COL17A1: variants seen among roughly 807,000 people sequenced by gnomAD.
The protein encoded by COL17A1 is collagen type XVII alpha 1 chain.
A neutral mutation model predicts 218.4 loss-of-function variants in COL17A1; 181 were observed. The observed-to-expected ratio is 0.83, with a 90% CI of 0.73 to 0.94. The LOEUF is 0.94. Among genes scored for constraint, COL17A1 ranks in the 40% least tolerant of loss-of-function variants. COL17A1 has a pLI of 0.00. For missense variants in COL17A1, 1,924 were observed against 1,945.9 expected (o/e 0.99, Z 0.21); for synonymous variants, 721 against 731.0 (o/e 0.99, Z 0.22).
intron 13 of COL17A1, 146 bp downstream of exon 13, chr10:104,061,259 T>C (rs1354921355): frequency 1.4e-5 from 10 of 711,642 alleles, no homozygotes; most frequent in Non-Finnish European, 2.1e-5. Context: ...TGGGGCAAGT[T>C]GCGTTTGCAG....
chr10:104,048,793 G>A (rs1392057382), intron 29 of COL17A1, among the ~76,000 whole-genome samples: 1 of 152,036 alleles, frequency 6.6e-6, no homozygotes, highest in African/African-American at 2.4e-5. Context: ...CACAGGTAAG[G>A]CTTAAACCCT....
chr10:104,067,278 G>A (rs747688365), intron 9 of COL17A1, among the ~76,000 whole-genome samples: 2 of 143,744 alleles, frequency 1.4e-5, no homozygotes, highest in Non-Finnish European at 3.0e-5. Flanking sequence ...AAAAGCATTC[G>A]AGCTTCAACA....
intron 36 of COL17A1, among the ~76,000 whole-genome samples, chr10:104,041,957 T>A (rs965868033): frequency 1.3e-5 from 2 of 152,166 alleles, no homozygotes; most frequent in Admixed American, 6.5e-5. Flanking sequence ...GGTGAAACAC[T>A]GAAGACCAAG....
chr10:104,073,062 A>G, intron 7 of COL17A1, 148 bp downstream of exon 7: 4 of 766,262 alleles, frequency 5.2e-6, no homozygotes, highest in Non-Finnish European at 9.3e-6. Context: ...GAAGATTCCC[A>G]GGATACTCTA....
At chr10:104,032,861 G>T in intron 54 of COL17A1, 45 bp downstream of exon 54, 1 of 1,612,452 alleles carries the variant, frequency 6.2e-7, no homozygotes, top group Non-Finnish European at 8.5e-7. Flanking sequence ...GTACGAGGTG[G>T]GTGTTAACAC....
At chr10:104,070,619 A>T (rs761368493) in intron 8 of COL17A1, 50 bp from the exon 9 acceptor site, 1 of 1,613,824 alleles carries the variant, frequency 6.2e-7, no homozygotes, top group Non-Finnish European at 8.5e-7. Context: ...TTCTTTCCTG[A>T]GTCCCTGTGC....
intron 41 of COL17A1, among the ~76,000 whole-genome samples, 160 bp from the exon 42 acceptor site, chr10:104,039,800 A>G (rs899730362): frequency 3.4e-5 from 5 of 148,956 alleles, no homozygotes; most frequent in Non-Finnish European, 5.9e-5. Context: ...ACACACGCAC[A>G]CGCACACTTG....
At position 104,048,086 on chromosome 10, in the gene COL17A1, C is replaced by T. The variant is rs866260753; in HGVS notation, c.2246G>A (p.Gly749Glu). Residue 749 changes from glycine to glutamate, a missense_variant, in exon 30 of 56, where the codon GGA becomes GAA. Transcript: ENST00000648076. Reference sequence around the variant, plus strand: ...TGACCAACCTCTTGGGCCTTGGTGTCCGTCTGGGCCAGCAGGACCTGGTAA... The same window carrying T: ...TGACCAACCTCTTGGGCCTTGGTGTTCGTCTGGGCCAGCAGGACCTGGTAA... ...KGAMGPAGPD[G>E]HQGPRGEQGL... 1 of 1,614,156 alleles carries T rather than the reference C, an allele frequency of 6.2e-7. No homozygotes were observed. Among genetic ancestry groups the T allele is most frequent in the Non-Finnish European group, 8.5e-7 (1 of 1,180,038 alleles).
chr10:104,076,187 G>A, intron 5 of COL17A1, 114 bp downstream of exon 5: 1 of 1,519,206 alleles, frequency 6.6e-7, no homozygotes, highest in Non-Finnish European at 9.1e-7. Context: ...TGAAGGAGGA[G>A]TGGGGAGAAA....
At chr10:104,032,842 T>G (rs1237225168) in intron 54 of COL17A1, 64 bp downstream of exon 54, 1 of 1,611,432 alleles carries the variant, frequency 6.2e-7, no homozygotes, top group Non-Finnish European at 8.5e-7. Flanking sequence ...GCACAGGAGC[T>G]GCTTTTCAGT....
rs1022253778 is a variant in COL17A1 at position 104,031,743 on chromosome 10, T to C, written c.*492A>G. ...AAGAGTCACTTCTTAGCCAACTGACTAGAGAATGCAGAATGAACAGGGGAG... is the reference window on the plus strand; with the variant it reads ...AAGAGTCACTTCTTAGCCAACTGACCAGAGAATGCAGAATGAACAGGGGAG... On this transcript the variant is annotated 3_prime_UTR_variant, in exon 56 of 56. Transcript: ENST00000648076. 8.4e-5 allele frequency: 14 copies of C among 166,252 alleles called. No homozygotes were observed. Among genetic ancestry groups the C allele is most frequent in the Non-Finnish European group, 1.7e-4 (13 of 75,508 alleles). 10.3% of individuals were successfully genotyped at this position (166,252 alleles called of 1,614,324 possible).
Position 104,060,137 on chromosome 10 carries a change from G to T in COL17A1, c.1123C>A (p.Pro375Thr). ...KDSGKVFTASPASIAATSFSE... is the reference protein window; with the variant it reads ...KDSGKVFTASTASIAATSFSE... ...GACGCACTTGCAGCGATGCTGGCAG[G>T]GGAGGCTGTAAAGACCTTCCCGCTG... Residue 375 changes from proline to threonine, a missense_variant, in exon 14 of 56, where the codon CCT becomes ACT. Physicochemically the swap from Pro to Thr is conservative, Grantham distance 38. Coordinates refer to ENST00000648076, the MANE Select transcript of COL17A1 (RefSeq NM_000494.4). 6.2e-7 allele frequency: 1 copy of T among 1,614,148 alleles called. No individual in the cohort carries two copies. The highest frequency in any genetic ancestry group is 8.5e-7 in the Non-Finnish European group (1 of 1,180,026).
At chr10:104,039,002 A>C in intron 44 of COL17A1, 69 bp downstream of exon 44, 1 of 1,470,086 alleles carries the variant, frequency 6.8e-7, no homozygotes, top group African/African-American at 1.4e-5. Flanking sequence ...ATAGAGCAAC[A>C]TCCTCACTGG....
chr10:104,062,228 G>A, intron 12 of COL17A1, 30 bp downstream of exon 12: 1 of 1,614,210 alleles, frequency 6.2e-7, no homozygotes. Flanking sequence ...TCACTTTCCA[G>A]CGCCTAAGCT....
Position 104,050,680 on chromosome 10 carries a change from G to A in COL17A1, c.2093-24C>T, listed in dbSNP as rs2086460548. The A allele has an allele frequency of 6.2e-6, 10 of 1,614,098 alleles. No individual in the cohort carries two copies. In the East Asian group the frequency reaches 1.6e-4, roughly 25 times the overall value. Reference sequence around the variant, plus strand: ...ACCTAAAAAGGAAATGGACACCTTGGTGTAAAATGCCCTACAAGGGACAAC... The same window carrying A: ...ACCTAAAAAGGAAATGGACACCTTGATGTAAAATGCCCTACAAGGGACAAC... On this transcript the variant is annotated intron_variant, in intron 26 of 55. Transcript: ENST00000648076.
chr10:104,077,564 A>T, intron 3 of COL17A1, 38 bp from the exon 4 acceptor site: 1 of 1,547,200 alleles, frequency 6.5e-7, no homozygotes, highest in Admixed American at 1.8e-5. Flanking sequence ...TTCAGGGTGG[A>T]GTCAGGCCAG....
intron 35 of COL17A1, among the ~76,000 whole-genome samples, 164 bp from the exon 36 acceptor site, chr10:104,042,619 G>A (rs2086371377): frequency 6.6e-6 from 1 of 152,210 alleles, no homozygotes; most frequent in Admixed American, 6.5e-5. Context: ...GTCCAGTTGC[G>A]TGAGAACATC....
intron 20 of COL17A1, among the ~76,000 whole-genome samples, chr10:104,054,578 G>A (rs535030834): frequency 6.6e-6 from 1 of 152,272 alleles, no homozygotes; most frequent in Admixed American, 6.5e-5. Flanking sequence ...CCCTGGGGTT[G>A]CCTAGGGAGT....
At chr10:104,059,269 A>G (rs2086559873) in intron 15 of COL17A1, 1 of 315,898 alleles carries the variant, frequency 3.2e-6, no homozygotes, top group African/African-American at 2.1e-5. Flanking sequence ...GTTATCAGAC[A>G]AAGAACGCAG....
Sources: allele counts gnomAD v4.1 joint callset (sites outside exome capture counted in the v4.1 genomes callset), GRCh38; gene constraint gnomAD v4.1.1; transcripts MANE v1.5; gene names NCBI Gene and HGNC (gene_info 2026-07-23, HGNC 2026-07-21).